CBX3: variants seen among roughly 807,000 people sequenced by gnomAD.
CBX3 encodes chromobox protein homolog 3.
Under a neutral mutation model 22.6 loss-of-function variants are expected in CBX3, and 5 were observed. That is an observed-to-expected ratio of 0.22 (90% CI 0.12 to 0.47). The LOEUF (loss-of-function observed/expected upper bound fraction) is 0.47. CBX3 is among the 20% of genes least tolerant of loss of function. The probability of loss-of-function intolerance (pLI) is 0.99; values close to 1 mark genes in which losing one functional copy is unlikely to be tolerated. For synonymous variants in CBX3, 50 were observed against 66.6 expected, an observed-to-expected ratio of 0.75 and a Z score of 1.21; for missense variants, 83 against 208.1, an observed-to-expected ratio of 0.40 and a Z score of 3.70.
rs1298197095 is a variant in CBX3 at position 26,206,530 on chromosome 7, C to T, written c.167+20C>T. On this transcript the variant is annotated intron_variant, in intron 3 of 5. Coordinates refer to ENST00000396386, the MANE Select transcript of CBX3 (RefSeq NM_016587.4). ...TACAGAGTAAGAAACTTTAGTGCAT[C>T]TTTACTATATGTTTAACTGCAGCTA... The T allele has an allele frequency of 2.5e-6, 4 of 1,609,202 alleles. No homozygotes were observed. The highest frequency in any genetic ancestry group is 2.2e-5 in the East Asian group (1 of 44,782).
chr7:26,203,582 T>C (rs1260633933), intron 2 of CBX3, among the ~76,000 whole-genome samples: 4 of 152,194 alleles, frequency 2.6e-5, no homozygotes, highest in Non-Finnish European at 4.4e-5. Context: ...ATCGCAAATA[T>C]GAGCCAGAAG....
chr7:26,203,008 A>G lies in CBX3; in HGVS notation c.10A>G (p.Asn4Asp). ...AAGTCTGCAATAAAAAATGGCCTCC[A>G]ACAAAACTACATTGGTAAGTTAATG... MAS[N>D]KTTLQKMGKK... Residue 4 changes from asparagine to aspartate, a missense_variant, in exon 2 of 6, where the codon AAC (asparagine) becomes GAC (aspartate). By Grantham distance (23) the Asn-to-Asp change is conservative (BLOSUM62 1). Coordinates refer to ENST00000396386, the MANE Select transcript of CBX3 (RefSeq NM_016587.4). 2 of 1,609,556 alleles carry G rather than the reference A, an allele frequency of 1.2e-6. No homozygotes were observed. Among genetic ancestry groups the G allele is most frequent in the Non-Finnish European group, 8.5e-7 (1 of 1,176,346 alleles).
At chr7:26,203,735 C>T (rs561831634) in intron 2 of CBX3, among the ~76,000 whole-genome samples, 3 of 151,892 alleles carry the variant, frequency 2.0e-5, no homozygotes, top group East Asian at 1.9e-4. Flanking sequence ...ATCTTAAACA[C>T]GTAAAGGTGA....
intron 4 of CBX3, among the ~76,000 whole-genome samples, chr7:26,210,770 T>C (rs982790027): frequency 2.6e-5 from 4 of 152,212 alleles, no homozygotes; most frequent in East Asian, 1.9e-4. Context: ...TTTACAGATA[T>C]TCAACATGTG....
intron 1 of CBX3, chr7:26,202,672 C>G (rs754214994): frequency 1.2e-5 from 4 of 344,292 alleles, no homozygotes; most frequent in African/African-American, 2.2e-5. Context: ...AAAAATGGAA[C>G]ATGGACTTTA....
In CBX3 at chr7:26,212,932, A is replaced by G. The variant is rs1784842582; in HGVS notation, c.*724A>G. On this transcript the variant is annotated 3_prime_UTR_variant, in exon 6 of 6. Transcript: ENST00000396386. ...CAGATGAGGAAACTAGACAAATGCT[A>G]GTGTGTTTTAACTAGCTAAACAAAA... 6.6e-6 allele frequency: 1 copy of G among 152,290 alleles called. No individual in the cohort carries two copies. The highest frequency in any genetic ancestry group is 1.5e-5 in the Non-Finnish European group (1 of 68,052). The allele number at this position is 152,290 out of a possible 1,614,324, so 9.4% of individuals were successfully genotyped here.
chr7:26,206,191 A>G, intron 2 of CBX3, 177 bp from the exon 3 acceptor site: 1 of 552,194 alleles, frequency 1.8e-6, no homozygotes, highest in Non-Finnish European at 3.2e-6. Flanking sequence ...TGAACAAGAT[A>G]AAGCATTCTT....
intron 3 of CBX3, 189 bp from the exon 4 acceptor site, chr7:26,208,204 A>G: frequency 2.3e-6 from 1 of 436,874 alleles, no homozygotes; most frequent in South Asian, 4.2e-5. Flanking sequence ...TCTGGGCAAC[A>G]AAGCAAGACC....
At position 26,208,539 on chromosome 7, in the gene CBX3, A is replaced by C; in HGVS notation, c.314A>C (p.Lys105Thr). Residue 105 changes from lysine to threonine, a missense_variant, in exon 4 of 6, where the codon AAG (lysine) becomes ACG (threonine). By Grantham distance (78) the Lys-to-Thr change is moderately conservative. Around this residue, in one of 3 missense-constraint regions of CBX3, gnomAD observed 59 missense variants for 155.0 expected, o/e 0.38. Transcript: ENST00000396386. ...SDSESDDSKS[K>T]KKRDAADKPR... Reference sequence around the variant, plus strand: ...AGTGAATCTGATGACAGCAAATCAAAGAAGAAAAGAGATGCTGTAAGTATA... The same window carrying C: ...AGTGAATCTGATGACAGCAAATCAACGAAGAAAAGAGATGCTGTAAGTATA... 6.2e-7 allele frequency: 1 copy of C among 1,609,384 alleles called. No homozygotes were observed.
At chr7:26,207,580 G>A (rs12672942) in intron 3 of CBX3, among the ~76,000 whole-genome samples, 29,505 of 151,886 alleles carry the variant, frequency 0.19, 4,127 homozygotes, top group East Asian at 0.53. Flanking sequence ...GTGCAGTGGC[G>A]TGATCTCAGC....
At chr7:26,211,885 G>GTA in intron 5 of CBX3, 129 bp downstream of exon 5, 3 of 861,070 alleles carry the variant, frequency 3.5e-6, no homozygotes, top group Non-Finnish European at 5.3e-6. Context: ...ACTTTTACTA[G>GTA]TAGTGTTTTA....
intron 2 of CBX3, 115 bp downstream of exon 2, chr7:26,203,137 C>G: frequency 2.8e-6 from 2 of 723,440 alleles, no homozygotes; most frequent in Non-Finnish European, 4.7e-6. Context: ...TCCCAGCTCT[C>G]CCAGTGTAAA....
At chr7:26,203,211 T>C (rs545754169) in intron 2 of CBX3, among the ~76,000 whole-genome samples, 189 bp downstream of exon 2, 99 of 152,354 alleles carry the variant, frequency 6.5e-4, no homozygotes, top group African/African-American at 2.2e-3. Flanking sequence ...GGCTTAATAG[T>C]GTCTTAACTA....
In CBX3 at chr7:26,208,570, T is replaced by A; in HGVS notation, c.330+15T>A. On this transcript the variant is annotated intron_variant, in intron 4 of 5. Coordinates refer to ENST00000396386, the MANE Select transcript of CBX3 (RefSeq NM_016587.4). ...AAAGAGATGCTGTAAGTATAAAATA[T>A]TGCCCACCAGCTTGTCCTTTTGTAA... 2 of 1,498,432 alleles carry A rather than the reference T, an allele frequency of 1.3e-6. No homozygotes were observed. The highest frequency in any genetic ancestry group is 1.8e-6 in the Non-Finnish European group (2 of 1,109,692). 92.8% of individuals were successfully genotyped at this position (1,498,432 alleles called of 1,614,324 possible). A position where few individuals can be genotyped will look rare whatever the true frequency, so the allele number is the denominator to read the frequency against.
intron 2 of CBX3, chr7:26,206,105 T>C (rs1784669477): frequency 3.0e-6 from 1 of 330,826 alleles, no homozygotes; most frequent in African/African-American, 2.2e-5. Flanking sequence ...AAAAAAAGAC[T>C]GGAAAAAAAT....
rs1161268986 is a variant in CBX3, at chr7:26,212,669, A to T, written c.*461A>T. On this transcript the variant is annotated 3_prime_UTR_variant, in exon 6 of 6. Transcript: ENST00000396386. The stretch of plus-strand genomic sequence containing the variant: ...TGTTTTTAAGCATTCACCCAAACAA[A>T]AAAATCACAGGTAAACCCATGTTTC... The T allele has an allele frequency of 6.6e-6, 1 of 152,272 alleles. No individual in the cohort carries two copies. Among genetic ancestry groups the T allele is most frequent in the South Asian group, 2.1e-4 (1 of 4,836 alleles). The allele number at this position is 152,272 out of a possible 1,614,324, so 9.4% of individuals were successfully genotyped here.
chr7:26,206,480 A>C lies in CBX3; in HGVS notation c.137A>C (p.Glu46Ala), dbSNP rs1219087783. The C allele has an allele frequency of 2.5e-6, 4 of 1,613,976 alleles. No individual in the cohort carries two copies. The highest frequency in any genetic ancestry group is 2.5e-6 in the Non-Finnish European group (3 of 1,179,882). The change falls in exon 3 of 6, where the codon GAA becomes GCA. Residue 46 changes from glutamate (E) to alanine (A), a missense_variant. Physicochemically the swap from Glu to Ala is moderately radical, Grantham distance 107. This residue lies in a region of CBX3 where 59 missense variants were observed against 155.0 expected (regional missense o/e 0.38). Coordinates refer to ENST00000396386, the MANE Select transcript of CBX3 (RefSeq NM_016587.4). Reference protein sequence around the residue: ...LDRRVVNGKVEYFLKWKGFTD... With the variant: ...LDRRVVNGKVAYFLKWKGFTD... ...CGACGTGTAGTGAATGGGAAAGTGG[A>C]ATATTTCCTGAAGTGGAAGGGATTT...
intron 4 of CBX3, among the ~76,000 whole-genome samples, chr7:26,209,147 T>A (rs1161986846): frequency 2.0e-5 from 3 of 151,892 alleles, no homozygotes; most frequent in Non-Finnish European, 4.4e-5. Flanking sequence ...CATCAGGTGA[T>A]CCACCCGCCT....
At chr7:26,210,125 A>C (rs1784771128) in intron 4 of CBX3, 1 of 152,070 alleles carries the variant, frequency 6.6e-6, no homozygotes, top group South Asian at 2.1e-4. Flanking sequence ...CCCCATCTCT[A>C]CAAAGAAAAA....
Sources: gnomAD v4.1 joint callset for allele counts (sites outside exome capture counted in the v4.1 genomes callset) on GRCh38, gnomAD v4.1.1 for gene constraint, gnomAD v4.1.1 regional missense constraint, MANE v1.5 for transcripts, NCBI Gene and HGNC (gene_info 2026-07-23, HGNC 2026-07-21) for gene names.